Variants in CPNE4 observed in about 807,000 individuals in gnomAD.
CPNE4 encodes the protein copine 4, also known as copine-4.
A neutral mutation model predicts 67.9 loss-of-function variants in CPNE4; 25 were observed. The observed-to-expected ratio is 0.37, with a 90% confidence interval of 0.27 to 0.51. CPNE4 has a LOEUF of 0.51. Among genes scored for constraint, CPNE4 ranks in the 20% least tolerant of loss-of-function variants. CPNE4 has a pLI of 0.93. For synonymous variants in CPNE4, 242 were observed against 244.9 expected (o/e 0.99, Z 0.11); for missense variants, 464 against 690.8 (o/e 0.67, Z 3.68).
intron 2 of CPNE4, among the ~76,000 whole-genome samples, chr3:131,734,252 A>T (rs1374373227): frequency 1.3e-5 from 2 of 152,104 alleles, no homozygotes; most frequent in African/African-American, 4.8e-5. Context: ...GGAGGCAGTC[A>T]CCCCTCCATA....
intron 2 of CPNE4, among the ~76,000 whole-genome samples, chr3:131,781,103 T>A (rs941426208): frequency 2.0e-5 from 3 of 151,544 alleles, no homozygotes; most frequent in African/African-American, 4.9e-5. Context: ...AAAAAAAAAA[T>A]TCCCGCAAAT....
chr3:131,832,453 C>A (rs986348906), intron 2 of CPNE4, among the ~76,000 whole-genome samples: 1 of 152,198 alleles, frequency 6.6e-6, no homozygotes, highest in Non-Finnish European at 1.5e-5. Context: ...GCAGGTGGGA[C>A]TGCCAGGCAG....
intron 8 of CPNE4, among the ~76,000 whole-genome samples, chr3:131,583,164 C>A (rs2107694331): frequency 6.6e-6 from 1 of 152,272 alleles, no homozygotes; most frequent in Non-Finnish European, 1.5e-5. Flanking sequence ...AATCTAAAAT[C>A]AGACCCCTAG....
At chr3:131,966,188 C>A (rs185945291) in intron 1 of CPNE4, among the ~76,000 whole-genome samples, 7 of 152,222 alleles carry the variant, frequency 4.6e-5, no homozygotes, top group Middle Eastern at 3.4e-3. Flanking sequence ...AACAAAGATA[C>A]AATGTACCAG....
chr3:131,782,571 C>T (rs989970167), intron 2 of CPNE4, among the ~76,000 whole-genome samples: 1 of 151,844 alleles, frequency 6.6e-6, no homozygotes, highest in Non-Finnish European at 1.5e-5. Flanking sequence ...CAAAGAGGCT[C>T]TACATGATTT....
chr3:131,591,313 G>C (rs1307330438), intron 7 of CPNE4, among the ~76,000 whole-genome samples: 3 of 152,128 alleles, frequency 2.0e-5, no homozygotes, highest in African/African-American at 7.2e-5. Flanking sequence ...AGGCAAAGGA[G>C]GCAGAAGCAA....
intron 11 of CPNE4, among the ~76,000 whole-genome samples, chr3:131,559,975 C>T (rs1470156750): frequency 1.3e-5 from 2 of 151,988 alleles, no homozygotes; most frequent in African/African-American, 4.8e-5. Flanking sequence ...AAAAATGTGA[C>T]AGCTATACAT....
At chr3:131,901,023 T>C (rs1158341415) in intron 2 of CPNE4, among the ~76,000 whole-genome samples, 1 of 152,084 alleles carries the variant, frequency 6.6e-6, no homozygotes. Flanking sequence ...GTTTGGAGTA[T>C]AATTTGGGTG....
chr3:131,804,235 CTCGGTGGAACTCAGTTTGTCTGCTAT>C (rs879350377), intron 2 of CPNE4, among the ~76,000 whole-genome samples: 3 of 152,032 alleles, frequency 2.0e-5, no homozygotes, highest in Non-Finnish European at 4.4e-5. Flanking sequence ...ACCTGTATAT[CTCGGTGGAACTCAGTTTGTCTGCTAT>C]AAGCAGAACC....
At chr3:131,555,138 T>C (rs374696121) in intron 12 of CPNE4, among the ~76,000 whole-genome samples, 5 of 152,030 alleles carry the variant, frequency 3.3e-5, no homozygotes, top group Admixed American at 2.6e-4. Flanking sequence ...ACTTTCCCAG[T>C]TGGCATTGCC....
At chr3:131,780,873 A>T (rs1372759710) in intron 2 of CPNE4, among the ~76,000 whole-genome samples, 1 of 152,082 alleles carries the variant, frequency 6.6e-6, no homozygotes, top group Non-Finnish European at 1.5e-5. Flanking sequence ...CCAAAGGGCA[A>T]ACTGGAAAAG....
chr3:131,909,013 C>CATGA (rs2088874452), intron 1 of CPNE4, among the ~76,000 whole-genome samples: 1 of 152,176 alleles, frequency 6.6e-6, no homozygotes. Flanking sequence ...GCTTTCACTA[C>CATGA]CAACTGAAAA....
At chr3:131,619,295 C>T (rs1940334625) in intron 7 of CPNE4, among the ~76,000 whole-genome samples, 1 of 152,170 alleles carries the variant, frequency 6.6e-6, no homozygotes, top group African/African-American at 2.4e-5. Flanking sequence ...TGTGTAATTA[C>T]ACGATGAAGC....
At chr3:131,828,723 C>A (rs2085260468) in intron 2 of CPNE4, among the ~76,000 whole-genome samples, 1 of 152,130 alleles carries the variant, frequency 6.6e-6, no homozygotes, top group Non-Finnish European at 1.5e-5. Context: ...ATCATAGCCA[C>A]TTGGGAGCCT....
At chr3:131,838,089 A>C (rs1480413800) in intron 2 of CPNE4, among the ~76,000 whole-genome samples, 2 of 151,904 alleles carry the variant, frequency 1.3e-5, no homozygotes, top group East Asian at 1.9e-4. Context: ...GTCTCAATAG[A>C]TGTGCTTTTC....
At chr3:131,911,748 C>T (rs1361273687) in intron 1 of CPNE4, among the ~76,000 whole-genome samples, 5 of 152,066 alleles carry the variant, frequency 3.3e-5, no homozygotes, top group Non-Finnish European at 5.9e-5. Flanking sequence ...ACAAAATTCC[C>T]AACTTTTCAC....
intron 13 of CPNE4, among the ~76,000 whole-genome samples, chr3:131,551,173 A>G (rs1936151459): frequency 6.6e-6 from 1 of 152,070 alleles, no homozygotes; most frequent in African/African-American, 2.4e-5. Flanking sequence ...GCTCTTGGGT[A>G]TTTTAGATGA....
intron 2 of CPNE4, among the ~76,000 whole-genome samples, chr3:131,825,429 G>T (rs1042635116): frequency 2.0e-5 from 3 of 151,766 alleles, no homozygotes; most frequent in African/African-American, 7.3e-5. Context: ...GGGAGGCAGA[G>T]GTTGCAGTGA....
intron 1 of CPNE4, among the ~76,000 whole-genome samples, chr3:131,952,237 C>T (rs925963848): frequency 3.3e-5 from 5 of 150,732 alleles, no homozygotes; most frequent in South Asian, 4.2e-4. Flanking sequence ...ATGTGAGGAG[C>T]GCCTCTGCCC....
Sources: gnomAD v4.1 joint callset for allele counts (sites outside exome capture counted in the v4.1 genomes callset) on GRCh38, gnomAD v4.1.1 for gene constraint, MANE v1.5 for transcripts, NCBI Gene and HGNC (gene_info 2026-07-23, HGNC 2026-07-21) for gene names.